The following CDH19 variants were observed in gnomAD, a reference collection of about 807,000 sequenced individuals.
The protein encoded by CDH19 is cadherin-19.
Under a neutral mutation model 64.2 loss-of-function variants are expected in CDH19, and 67 were observed. The ratio of observed to expected loss-of-function variants is 1.04; its 90% CI spans 0.86 to 1.28. The LOEUF (loss-of-function observed/expected upper bound fraction) is 1.28. CDH19 is among the 50% of genes most tolerant of loss of function. The pLI is 0.00. For missense variants in CDH19, 1,030 were observed against 929.0 expected, an observed-to-expected ratio of 1.11 and a Z score of -1.41; for synonymous variants, 346 against 319.3, an observed-to-expected ratio of 1.08 and a Z score of -0.89.
chr18:66,547,737 G>A (rs1318088670), intron 5 of CDH19, among the ~76,000 whole-genome samples: 4 of 129,240 alleles, frequency 3.1e-5, no homozygotes, highest in Admixed American at 8.6e-5. Flanking sequence ...GCGGGATCTC[G>A]GCTCACTGCA....
chr18:66,550,541 A>G (rs78783875), intron 5 of CDH19, among the ~76,000 whole-genome samples: 195 of 152,180 alleles, frequency 1.3e-3, no homozygotes, highest in African/African-American at 4.1e-3. Flanking sequence ...GCTTTATCCA[A>G]CTGGGTTCGG....
rs1483458430 is a variant in CDH19, at chr18:66,588,612, ATCTATATCTATATC to A, written c.-113+15328_-113+15341del. Among the ~76,000 whole-genome samples the A allele has an allele frequency of 9.6e-3, 1,289 of 134,584 alleles. 228 individuals are homozygous for A. Among genetic ancestry groups the A allele is most frequent in the Non-Finnish European group, 0.017 (992 of 58,952 alleles). 88.3% of individuals were successfully genotyped at this position (134,584 alleles called of 152,430 possible). A position where few individuals can be genotyped will look rare whatever the true frequency, so the allele number is the denominator to read the frequency against. ...TTACTCATTTTTACTAATCATATATATCTATATCTATATCTATATATATATAGATACAGCTCAGA... is the reference window on the plus strand; with the variant it reads ...TTACTCATTTTTACTAATCATATATATATATATATATAGATACAGCTCAGA... On this transcript the variant is annotated intron_variant, in intron 1 of 11. Transcript: ENST00000262150.
At chr18:66,512,624 ATTTATT>A (rs959994109) in intron 9 of CDH19, among the ~76,000 whole-genome samples, 1 of 151,542 alleles carries the variant, frequency 6.6e-6, no homozygotes, top group African/African-American at 2.4e-5. Flanking sequence ...CTCCACATTG[ATTTATT>A]TTTAACTCAT....
chr18:66,580,596 TTAAAG>T (rs1988394731), intron 1 of CDH19, among the ~76,000 whole-genome samples: 1 of 152,014 alleles, frequency 6.6e-6, no homozygotes, highest in Non-Finnish European at 1.5e-5. Context: ...CGAAAACAGT[TTAAAG>T]TAAATATGAC....
At chr18:66,580,938 C>A (rs1988404262) in intron 1 of CDH19, among the ~76,000 whole-genome samples, 1 of 152,086 alleles carries the variant, frequency 6.6e-6, no homozygotes, top group South Asian at 2.1e-4. Context: ...CTGGTGGCAG[C>A]TGTCAGCATT....
intron 3 of CDH19, among the ~76,000 whole-genome samples, chr18:66,556,138 G>T (rs1165972153): frequency 6.6e-6 from 1 of 151,272 alleles, no homozygotes; most frequent in African/African-American, 2.4e-5. Flanking sequence ...TTTTTAGCAT[G>T]CTTTTTCTAT....
At position 66,504,947 on chromosome 18, in the gene CDH19, T is replaced by C. The variant is rs558096351; in HGVS notation, c.2184A>G (p.Ser728=). The C allele has an allele frequency of 6.2e-7, 1 of 1,613,518 alleles. No homozygotes were observed. Among genetic ancestry groups the C allele is most frequent in the South Asian group, 1.1e-5 (1 of 91,074 alleles). The change falls in exon 12 of 12, where the codon TCA becomes TCG. Residue 728 remains serine (S), a synonymous_variant. Transcript: ENST00000262150. The part of the protein sequence containing the change: ...LQTYAFEGTG[S]LAGSLSSLES... Reference sequence around the variant, plus strand: ...CTAAGGAGCTCAGGGATCCAGCTAATGACCCTGTTCCCTCAAAAGCGTAGG... The same window carrying C: ...CTAAGGAGCTCAGGGATCCAGCTAACGACCCTGTTCCCTCAAAAGCGTAGG...
At chr18:66,566,284 T>C (rs922260411) in intron 3 of CDH19, among the ~76,000 whole-genome samples, 1 of 151,420 alleles carries the variant, frequency 6.6e-6, no homozygotes, top group Non-Finnish European at 1.5e-5. Flanking sequence ...CCCTTTCTTT[T>C]TTTTTTTTTT....
chr18:66,540,280 T>G (rs1337614499), intron 7 of CDH19, among the ~76,000 whole-genome samples: 3 of 152,146 alleles, frequency 2.0e-5, no homozygotes, highest in Admixed American at 1.3e-4. Context: ...CAGGAAATAA[T>G]ACACCATCTT....
chr18:66,563,639 A>G (rs539328573), intron 3 of CDH19, among the ~76,000 whole-genome samples: 1 of 152,054 alleles, frequency 6.6e-6, no homozygotes, highest in South Asian at 2.1e-4. Flanking sequence ...TTGGGAACTT[A>G]TTTTATTAGT....
chr18:66,571,839 T>C (rs1988112394), intron 2 of CDH19, among the ~76,000 whole-genome samples, 171 bp downstream of exon 2: 2 of 151,652 alleles, frequency 1.3e-5, no homozygotes, highest in South Asian at 4.1e-4. Flanking sequence ...TTCAAGATTT[T>C]AGTGGATGTT....
At chr18:66,580,075 G>A (rs534102) in intron 1 of CDH19, among the ~76,000 whole-genome samples, 12,729 of 151,964 alleles carry the variant, frequency 0.084, 1,725 homozygotes, top group African/African-American at 0.28. Flanking sequence ...TAAAATATAC[G>A]TATTAAATCA....
chr18:66,519,576 A>C (rs1365965388), intron 9 of CDH19, among the ~76,000 whole-genome samples: 1 of 152,176 alleles, frequency 6.6e-6, no homozygotes, highest in Non-Finnish European at 1.5e-5. Context: ...TTTGAATTAC[A>C]TCTCATGGTT....
intron 5 of CDH19, among the ~76,000 whole-genome samples, chr18:66,547,667 T>TATATATGTAATATATGTGCA (rs1454424656): frequency 3.2e-4 from 43 of 133,106 alleles, no homozygotes; most frequent in African/African-American, 1.2e-3. Flanking sequence ...TTAGGTTTTT[T>TATATATGTAATATATGTGCA]TTTTTTTTTT....
chr18:66,595,359 A>C (rs527545060), intron 1 of CDH19, among the ~76,000 whole-genome samples: 1 of 151,886 alleles, frequency 6.6e-6, no homozygotes, highest in South Asian at 2.1e-4. Context: ...AAATGGAGAC[A>C]TGAAAAACAC....
intron 1 of CDH19, among the ~76,000 whole-genome samples, chr18:66,602,549 T>C (rs1989063103): frequency 6.6e-6 from 1 of 151,904 alleles, no homozygotes; most frequent in Admixed American, 6.6e-5. Context: ...AGACATATGC[T>C]TTTCGATATA....
chr18:66,512,804 G>A (rs1985556702), intron 9 of CDH19, among the ~76,000 whole-genome samples: 1 of 151,372 alleles, frequency 6.6e-6, no homozygotes, highest in Non-Finnish European at 1.5e-5. Flanking sequence ...CTGGGTAGAG[G>A]GCAGGGGCTT....
intron 1 of CDH19, among the ~76,000 whole-genome samples, chr18:66,601,667 G>A (rs1989040345): frequency 6.6e-6 from 1 of 151,934 alleles, no homozygotes; most frequent in Non-Finnish European, 1.5e-5. Flanking sequence ...TCTAGAGTAT[G>A]TTTTAAATTC....
At chr18:66,508,561 G>A (rs1985315257) in intron 11 of CDH19, among the ~76,000 whole-genome samples, 2 of 151,768 alleles carry the variant, frequency 1.3e-5, no homozygotes, top group South Asian at 2.1e-4. Context: ...GGAAAATGTA[G>A]GTGATATTAG....
Sources: allele counts gnomAD v4.1 joint callset (sites outside exome capture counted in the v4.1 genomes callset), GRCh38; gene constraint gnomAD v4.1.1; transcripts MANE v1.5; gene names NCBI Gene and HGNC (gene_info 2026-07-23, HGNC 2026-07-21).